Variants in ATXN7L1 observed in about 807,000 individuals in gnomAD.
The protein encoded by ATXN7L1 is ataxin 7 like 1, also known as ataxin-7-like protein 1.
ATXN7L1 carries 15 observed loss-of-function variants against 70.8 expected under a neutral mutation model. The ratio of observed to expected loss-of-function variants is 0.21; its 90% CI spans 0.14 to 0.33. ATXN7L1 has a LOEUF of 0.33. Ranked by LOEUF, ATXN7L1 falls within the 10% of genes least tolerant of loss-of-function variation. ATXN7L1 has a pLI of 1.00. For missense variants in ATXN7L1, 975 were observed against 1,097.1 expected (o/e 0.89, Z 1.57); for synonymous variants, 440 against 445.1 (o/e 0.99, Z 0.14).
chr7:105,779,953 A>G (rs150876020), intron 3 of ATXN7L1, among the ~76,000 whole-genome samples: 15 of 152,352 alleles, frequency 9.8e-5, no homozygotes, highest in Non-Finnish European at 1.8e-4. Flanking sequence ...CAGCAAACAA[A>G]TCTAACTTAA....
chr7:105,708,139 G>A (rs1793412433), intron 3 of ATXN7L1, among the ~76,000 whole-genome samples: 1 of 152,208 alleles, frequency 6.6e-6, no homozygotes, highest in South Asian at 2.1e-4. Flanking sequence ...GAGGAAGAAG[G>A]AGGAGAAAAC....
At chr7:105,780,641 G>T (rs1471670498) in intron 3 of ATXN7L1, among the ~76,000 whole-genome samples, 4 of 152,040 alleles carry the variant, frequency 2.6e-5, no homozygotes, top group African/African-American at 9.7e-5. Flanking sequence ...CTGCTGAGAG[G>T]ACTAGTGCCA....
intron 2 of ATXN7L1, among the ~76,000 whole-genome samples, chr7:105,799,744 G>A (rs1305727879): frequency 6.6e-6 from 1 of 152,180 alleles, no homozygotes; most frequent in Non-Finnish European, 1.5e-5. Context: ...CCACTTGGGA[G>A]AGCCAGAAAA....
intron 2 of ATXN7L1, among the ~76,000 whole-genome samples, chr7:105,802,469 G>A (rs1240571863): frequency 2.0e-5 from 3 of 152,156 alleles, no homozygotes; most frequent in African/African-American, 4.8e-5. Context: ...TACCACTGGG[G>A]AAACACAGAC....
chr7:105,685,219 T>C (rs1237949002), intron 3 of ATXN7L1, among the ~76,000 whole-genome samples: 1 of 152,178 alleles, frequency 6.6e-6, no homozygotes, highest in Non-Finnish European at 1.5e-5. Flanking sequence ...CCTTCCAGAA[T>C]GTCTATGCTC....
intron 3 of ATXN7L1, among the ~76,000 whole-genome samples, chr7:105,777,013 A>G (rs1584979249): frequency 1.3e-5 from 2 of 152,022 alleles, no homozygotes; most frequent in Admixed American, 6.6e-5. Context: ...CAGGTGATCT[A>G]CCCACCTTGG....
chr7:105,712,600 C>T (rs377280184), intron 3 of ATXN7L1, among the ~76,000 whole-genome samples: 19 of 152,314 alleles, frequency 1.2e-4, no homozygotes, highest in African/African-American at 4.1e-4. Context: ...CCACAGATCC[C>T]TAGGGCAGGG....
intron 2 of ATXN7L1, among the ~76,000 whole-genome samples, chr7:105,867,809 C>G (rs182520624): frequency 6.6e-6 from 1 of 152,202 alleles, no homozygotes; most frequent in Non-Finnish European, 1.5e-5. Context: ...AGCGATTTGT[C>G]CCCCTGGGAC....
At chr7:105,704,839 A>G (rs1417714749) in intron 3 of ATXN7L1, among the ~76,000 whole-genome samples, 11 of 151,588 alleles carry the variant, frequency 7.3e-5, no homozygotes, top group Admixed American at 3.3e-4. Flanking sequence ...TCAAACTCCT[A>G]ACCTCAGGTG....
chr7:105,788,581 C>T (rs371230925), intron 3 of ATXN7L1, 23 bp downstream of exon 3: 16 of 1,576,764 alleles, frequency 1.0e-5, no homozygotes, highest in South Asian at 5.5e-5. Flanking sequence ...CAGATGTGGC[C>T]GACGGTGCAG....
chr7:105,778,676 A>C (rs1379889808), intron 3 of ATXN7L1, among the ~76,000 whole-genome samples: 3 of 152,204 alleles, frequency 2.0e-5, no homozygotes, highest in Non-Finnish European at 2.9e-5. Flanking sequence ...ATTTCACTGA[A>C]TGGAGGAAAT....
intron 3 of ATXN7L1, among the ~76,000 whole-genome samples, chr7:105,677,631 C>T (rs915319331): frequency 1.3e-5 from 2 of 152,204 alleles, no homozygotes; most frequent in Non-Finnish European, 2.9e-5. Flanking sequence ...ACAGTGCCAA[C>T]TCATGGGAGA....
chr7:105,702,678 AG>A (rs1315366713), intron 3 of ATXN7L1, among the ~76,000 whole-genome samples: 5 of 152,188 alleles, frequency 3.3e-5, no homozygotes, highest in Non-Finnish European at 7.3e-5. Flanking sequence ...AAAATAAATA[AG>A]TAAATAAAAA....
chr7:105,863,164 A>T (rs1172424850), intron 2 of ATXN7L1, among the ~76,000 whole-genome samples: 2 of 152,106 alleles, frequency 1.3e-5, no homozygotes, highest in Non-Finnish European at 2.9e-5. Context: ...AGAAATCATC[A>T]CTCTAGATAG....
At chr7:105,647,113 C>T (rs773511228) in intron 4 of ATXN7L1, among the ~76,000 whole-genome samples, 1 of 152,176 alleles carries the variant, frequency 6.6e-6, no homozygotes, top group Non-Finnish European at 1.5e-5. Context: ...GCTCTAGTAC[C>T]TGGGCAGCCT....
At chr7:105,674,020 T>C (rs1804208515) in intron 3 of ATXN7L1, among the ~76,000 whole-genome samples, 1 of 152,210 alleles carries the variant, frequency 6.6e-6, no homozygotes, top group Non-Finnish European at 1.5e-5. Context: ...CCAGGAGTGC[T>C]TGTGAGCTTT....
chr7:105,837,923 T>C (rs768354235), intron 2 of ATXN7L1, among the ~76,000 whole-genome samples: 9 of 152,142 alleles, frequency 5.9e-5, no homozygotes, highest in Non-Finnish European at 1.3e-4. Context: ...TCGCTCTCGA[T>C]GGCGCAGGTC....
intron 7 of ATXN7L1, among the ~76,000 whole-genome samples, chr7:105,628,978 T>C (rs965705377): frequency 6.6e-6 from 1 of 151,960 alleles, no homozygotes; most frequent in Non-Finnish European, 1.5e-5. Flanking sequence ...TTTTTATTTT[T>C]ATTTTTTAGA....
intron 4 of ATXN7L1, among the ~76,000 whole-genome samples, chr7:105,646,280 G>C (rs1310134448): frequency 6.6e-6 from 1 of 152,024 alleles, no homozygotes; most frequent in Admixed American, 6.6e-5. Flanking sequence ...ATTGCACAGA[G>C]CAAGACCCTG....
Sources: allele counts gnomAD v4.1 joint callset (sites outside exome capture counted in the v4.1 genomes callset), GRCh38; gene constraint gnomAD v4.1.1; transcripts MANE v1.5; gene names NCBI Gene and HGNC (gene_info 2026-07-23, HGNC 2026-07-21).